Variants in GALNT10 observed in about 807,000 individuals in gnomAD.
GALNT10 encodes polypeptide N-acetylgalactosaminyltransferase 10, also known as GalNAc transferase 10.
In GALNT10, 41 loss-of-function variants were observed where a neutral mutation model predicts 75.0. That is an observed-to-expected ratio of 0.55 (90% CI 0.43 to 0.71). The LOEUF (loss-of-function observed/expected upper bound fraction) is 0.71, where lower values mean the gene tolerates loss of function less well. Ranked by LOEUF, GALNT10 falls within the 30% of genes least tolerant of loss-of-function variation. The pLI, the probability that GALNT10 is intolerant of heterozygous loss-of-function variation, is 0.00. For missense variants in GALNT10, 727 were observed against 818.5 expected, an observed-to-expected ratio of 0.89 and a Z score of 1.36; for synonymous variants, 302 against 313.0, an observed-to-expected ratio of 0.96 and a Z score of 0.37.
intron 7 of GALNT10, among the ~76,000 whole-genome samples, chr5:154,397,364 C>A (rs1285783756): frequency 5.3e-5 from 8 of 152,036 alleles, no homozygotes; most frequent in Admixed American, 5.2e-4. Context: ...ATTCATGCAA[C>A]GCCCTCCACC....
intron 4 of GALNT10, among the ~76,000 whole-genome samples, chr5:154,340,687 A>G (rs1467369852): frequency 6.6e-6 from 1 of 152,204 alleles, no homozygotes; most frequent in Non-Finnish European, 1.5e-5. Context: ...GCAAACAGAG[A>G]TACTTCAGAG....
intron 7 of GALNT10, chr5:154,387,704 T>A (rs1256233430): frequency 6.6e-6 from 1 of 152,086 alleles, no homozygotes; most frequent in Non-Finnish European, 1.5e-5. Context: ...AGTGAGACCA[T>A]GCTTATTAGG....
chr5:154,339,065 A>G (rs1242043742), intron 4 of GALNT10, among the ~76,000 whole-genome samples: 1 of 152,228 alleles, frequency 6.6e-6, no homozygotes, highest in Non-Finnish European at 1.5e-5. Flanking sequence ...GTTTCCCACT[A>G]TGAAAGTACA....
rs138006820 is a variant in GALNT10 at position 154,402,211 on chromosome 5, G to A, written c.1057-1893G>A. Among the ~76,000 whole-genome samples, 1,827 of 152,266 alleles carry A rather than the reference G, an allele frequency of 0.012. 25 individuals are homozygous for A. The highest frequency in any genetic ancestry group is 0.016 in the Non-Finnish European group (1,104 of 68,002). The stretch of plus-strand genomic sequence containing the variant: ...AGGGCCCTGCGGGAGCCCTGCCCGC[G>A]TCTCTGGCCTCCCCTCCCATCCCTC... On this transcript the variant is annotated intron_variant, in intron 7 of 11. Transcript: ENST00000297107. The surrounding 1 kb of genome is among the most constrained non-coding windows in gnomAD (Gnocchi z 4.2).
At position 154,317,685 on chromosome 5, in the gene GALNT10, A is replaced by G. The variant is rs116053724; in HGVS notation, c.402-11887A>G. Among the ~76,000 whole-genome samples the G allele has an allele frequency of 8.3e-3, 1,264 of 152,352 alleles. 22 individuals carry two copies. The highest frequency in any genetic ancestry group is 0.029 in the African/African-American group (1,191 of 41,574). ...AAAACAGATTCATTTGACGGAATAT[A>G]CCTGGGGATTATCAAGTTAAATCAG... On this transcript the variant is annotated intron_variant, in intron 3 of 11. Transcript: ENST00000297107.
At chr5:154,199,868 CCTT>C (rs1774999656) in intron 1 of GALNT10, among the ~76,000 whole-genome samples, 1 of 152,188 alleles carries the variant, frequency 6.6e-6, no homozygotes, top group Admixed American at 6.5e-5. Context: ...GCTTCCTGCT[CCTT>C]CTCCTAAAAT....
chr5:154,312,948 T>C (rs1047838772), intron 3 of GALNT10, among the ~76,000 whole-genome samples: 1 of 152,178 alleles, frequency 6.6e-6, no homozygotes, highest in Non-Finnish European at 1.5e-5. Context: ...GTTACATCTG[T>C]AGGAGGGCCA....
At chr5:154,415,436 C>A (rs573465806) in intron 10 of GALNT10, among the ~76,000 whole-genome samples, 2 of 151,984 alleles carry the variant, frequency 1.3e-5, no homozygotes, top group Non-Finnish European at 2.9e-5. Context: ...CTCCTGGGCT[C>A]AAGTGATTCT....
chr5:154,376,466 A>C lies in GALNT10; in HGVS notation c.754+4A>C. The stretch of plus-strand genomic sequence containing the variant: ...AACTGGCTTCCCCCCTTGCTTGGTA[A>C]GGGAGCCCCTCCCACTTGGAGGGAG... On this transcript the variant is annotated splice_donor_region_variant and intron_variant, in intron 5 of 11. Coordinates refer to ENST00000297107, the MANE Select transcript of GALNT10 (RefSeq NM_198321.4). The surrounding 1 kb of genome is among the most constrained non-coding windows in gnomAD (Gnocchi z 4.1). The C allele has an allele frequency of 6.4e-7, 1 of 1,565,614 alleles. No homozygotes were observed. The highest frequency in any genetic ancestry group is 8.6e-7 in the Non-Finnish European group (1 of 1,161,408).
intron 4 of GALNT10, among the ~76,000 whole-genome samples, chr5:154,330,511 G>A (rs1754839553): frequency 6.6e-6 from 1 of 152,132 alleles, no homozygotes; most frequent in Admixed American, 6.5e-5. Flanking sequence ...GTCATGTGGT[G>A]ACCGAACCAT....
chr5:154,265,961 C>T (rs1753769374), intron 1 of GALNT10, among the ~76,000 whole-genome samples: 1 of 151,534 alleles, frequency 6.6e-6, no homozygotes, highest in Admixed American at 6.6e-5. Flanking sequence ...AATTTATTAA[C>T]ATGCAATGAG....
chr5:154,294,986 G>A, intron 2 of GALNT10, 68 bp downstream of exon 2: 1 of 681,338 alleles, frequency 1.5e-6, no homozygotes, highest in Non-Finnish European at 2.6e-6. Flanking sequence ...TTGTGTGTGT[G>A]TGTGTGTGTG....
Position 154,288,408 on chromosome 5 carries a change from T to TTGTG in GALNT10, c.160-6376_160-6373dup, listed in dbSNP as rs10534031. Among the ~76,000 whole-genome samples the TTGTG allele has an allele frequency of 8.4e-3, 1,025 of 122,610 alleles. 7 individuals are homozygous for TTGTG. The highest frequency in any genetic ancestry group is 0.021 in the South Asian group (68 of 3,256). 80.4% of individuals were successfully genotyped at this position (122,610 alleles called of 152,430 possible). ...GATTAAACAAAGATTAAAATTCCAT[T>TTGTG]TGTGTGTGTGTGTGTGTGTGTGTGT... is the stretch of plus-strand genomic sequence containing the variant. On this transcript the variant is annotated intron_variant, in intron 1 of 11. Transcript: ENST00000297107.
intron 1 of GALNT10, among the ~76,000 whole-genome samples, chr5:154,205,496 G>T (rs959179812): frequency 6.6e-6 from 1 of 152,304 alleles, no homozygotes; most frequent in East Asian, 1.9e-4. Context: ...CGTGCCCCAG[G>T]CTTTCCCAAG....
intron 3 of GALNT10, among the ~76,000 whole-genome samples, chr5:154,314,664 A>G (rs1172283022): frequency 6.6e-6 from 1 of 151,796 alleles, no homozygotes. Context: ...GCTCCCAACC[A>G]GCTCCATCTC....
At chr5:154,251,839 C>T (rs1039761439) in intron 1 of GALNT10, among the ~76,000 whole-genome samples, 2 of 152,098 alleles carry the variant, frequency 1.3e-5, no homozygotes, top group African/African-American at 4.8e-5. Context: ...TAGGAATGCT[C>T]TTTGCTACTG....
rs1302741869 is a variant in GALNT10, at chr5:154,294,908, T to A, written c.252T>A (p.Ala84=). 6.5e-7 allele frequency: 1 copy of A among 1,544,524 alleles called. No homozygotes were observed. Among genetic ancestry groups the A allele is most frequent in the South Asian group, 1.1e-5 (1 of 89,658 alleles). The change falls in exon 2 of 12, where the codon GCT becomes GCA. Residue 84 remains alanine (A), a synonymous_variant. Transcript: ENST00000297107. ...WHDKEAIRRD[A]QRVGNGEQGR... The stretch of plus-strand genomic sequence containing the variant: ...ACAAGGAGGCCATCCGGAGGGACGC[T>A]CAGCGCGTAGGTACGGAGGGCAGGA...
At chr5:154,343,887 T>C (rs1755077498) in intron 4 of GALNT10, among the ~76,000 whole-genome samples, 1 of 152,172 alleles carries the variant, frequency 6.6e-6, no homozygotes, top group South Asian at 2.1e-4. Context: ...AAAGCTGATA[T>C]CAGGGCACCC....
chr5:154,342,516 A>C (rs1052682762), intron 4 of GALNT10, among the ~76,000 whole-genome samples: 1 of 152,230 alleles, frequency 6.6e-6, no homozygotes, highest in Non-Finnish European at 1.5e-5. Flanking sequence ...TTCTTAACAG[A>C]CATCTCAGAT....
Sources: allele counts gnomAD v4.1 joint callset (sites outside exome capture counted in the v4.1 genomes callset), GRCh38; gene constraint gnomAD v4.1.1; non-coding constraint Gnocchi (gnomAD v3.1); transcripts MANE v1.5; gene names NCBI Gene and HGNC (gene_info 2026-07-23, HGNC 2026-07-21).